TRIM24: variants seen among roughly 807,000 people sequenced by gnomAD.
TRIM24 encodes the protein transcription intermediary factor 1-alpha.
A neutral mutation model predicts 123.9 loss-of-function variants in TRIM24; 29 were observed. That is an observed-to-expected ratio of 0.23 (90% confidence interval 0.17 to 0.32). The LOEUF (loss-of-function observed/expected upper bound fraction) is 0.32. Ranked by LOEUF, TRIM24 falls within the 10% of genes least tolerant of loss-of-function variation. TRIM24 has a pLI of 1.00. For synonymous variants in TRIM24, 456 were observed against 461.1 expected, an observed-to-expected ratio of 0.99 and a Z score of 0.14; for missense variants, 932 against 1,295.3, an observed-to-expected ratio of 0.72 and a Z score of 4.31.
chr7:138,541,922 C>T (rs1015311095), intron 7 of TRIM24, among the ~76,000 whole-genome samples: 1 of 152,226 alleles, frequency 6.6e-6, no homozygotes, highest in African/African-American at 2.4e-5. Flanking sequence ...CCATAAATCT[C>T]ATGGACCAAC....
rs760057002 is a variant in TRIM24 at position 138,580,667 on chromosome 7, TGTTAA to T, written c.2697_2701del (p.Lys899AsnfsTer5). ...CAGAAAAAAAGAAAACTGAAGGCCT[TGTTAA>T]GTTAACACCTATAGATAAAAGGGTA... On this transcript the variant is annotated frameshift_variant, in exon 16 of 19. Transcript: ENST00000343526. LOFTEE classifies it high-confidence loss of function. 14 of 1,613,784 alleles carry T rather than the reference TGTTAA, an allele frequency of 8.7e-6. No individual in the cohort carries two copies. The highest frequency in any genetic ancestry group is 1.7e-5 in the Admixed American group (1 of 59,988).
In TRIM24 at chr7:138,573,489, A is replaced by C; in HGVS notation, c.1879-18A>C. ...TTGCAAAATCAGAATGCCCTGAAAT[A>C]ATTTCTTTTCTTGTAAGATTGACTG... is the stretch of plus-strand genomic sequence containing the variant. On this transcript the variant is annotated intron_variant, in intron 11 of 18. Transcript: ENST00000343526. 6.5e-7 allele frequency: 1 copy of C among 1,533,566 alleles called. No individual in the cohort carries two copies. The highest frequency in any genetic ancestry group is 1.4e-5 in the African/African-American group (1 of 72,186). The allele number at this position is 1,533,566 out of a possible 1,614,324, so 95.0% of individuals were successfully genotyped here.
chr7:138,518,914 A>G (rs1352512478), intron 3 of TRIM24, among the ~76,000 whole-genome samples: 4 of 152,222 alleles, frequency 2.6e-5, no homozygotes, highest in Admixed American at 2.6e-4. Context: ...ATGCAATAAA[A>G]CATATTTTTA....
intron 2 of TRIM24, among the ~76,000 whole-genome samples, chr7:138,506,651 T>A (rs1300010982): frequency 6.6e-6 from 1 of 152,212 alleles, no homozygotes; most frequent in Non-Finnish European, 1.5e-5. Flanking sequence ...GTATGATCAA[T>A]TAGTTTTCAG....
At chr7:138,559,413 C>A (rs1216958047) in intron 9 of TRIM24, among the ~76,000 whole-genome samples, 1 of 152,034 alleles carries the variant, frequency 6.6e-6, no homozygotes, top group Non-Finnish European at 1.5e-5. Flanking sequence ...GAGGTCTTTG[C>A]CCCCAGGAGG....
At chr7:138,539,009 T>C (rs1250901707) in intron 7 of TRIM24, among the ~76,000 whole-genome samples, 2 of 152,224 alleles carry the variant, frequency 1.3e-5, no homozygotes, top group Admixed American at 1.3e-4. Context: ...CCTTTTTTTG[T>C]TCTTTCCAAG....
chr7:138,503,955 TC>T (rs1189178136), intron 1 of TRIM24, among the ~76,000 whole-genome samples: 2 of 152,202 alleles, frequency 1.3e-5, no homozygotes, highest in Admixed American at 1.3e-4. Flanking sequence ...AGCTCCTTGT[TC>T]TTTTGAAAAT....
chr7:138,571,053 G>T, intron 11 of TRIM24, 50 bp downstream of exon 11: 2 of 1,581,904 alleles, frequency 1.3e-6, no homozygotes, highest in Non-Finnish European at 1.7e-6. Flanking sequence ...CTGTTGGCCG[G>T]GTGCAGTGGC....
At position 138,579,261 on chromosome 7, in the gene TRIM24, A is replaced by T. The variant is rs747352735; in HGVS notation, c.2314A>T (p.Thr772Ser). ...GCTCTTAAATAGCAGTCAGAGCTCT[A>T]CTTCTGAGGAGACTGTGCTAAGATC... ...SLLLNSSQSS[T>S]SEETVLRSDA... The change falls in exon 15 of 19, where the codon ACT (threonine) becomes TCT (serine). Residue 772 changes from threonine to serine, a missense_variant. Coordinates refer to ENST00000343526, the MANE Select transcript of TRIM24 (RefSeq NM_015905.3). The T allele has an allele frequency of 6.2e-7, 1 of 1,613,622 alleles. No homozygotes were observed. The highest frequency in any genetic ancestry group is 1.3e-5 in the African/African-American group (1 of 74,924).
intron 6 of TRIM24, among the ~76,000 whole-genome samples, chr7:138,532,988 G>A (rs567843926): frequency 1.3e-5 from 2 of 152,268 alleles, no homozygotes; most frequent in East Asian, 3.9e-4. Context: ...GTGAATGGGA[G>A]TTCACTCATG....
chr7:138,523,820 C>A (rs1262293986), intron 4 of TRIM24, among the ~76,000 whole-genome samples: 2 of 147,838 alleles, frequency 1.4e-5, no homozygotes, highest in African/African-American at 2.5e-5. Flanking sequence ...AAAATGAATT[C>A]TTTCCAACTT....
intron 2 of TRIM24, among the ~76,000 whole-genome samples, chr7:138,510,400 T>C (rs1796261501): frequency 6.6e-6 from 1 of 152,058 alleles, no homozygotes; most frequent in Non-Finnish European, 1.5e-5. Context: ...TGTGTGTGTG[T>C]GGTTTTTTTT....
At chr7:138,578,312 C>G (rs900733673) in intron 14 of TRIM24, among the ~76,000 whole-genome samples, 1 of 151,950 alleles carries the variant, frequency 6.6e-6, no homozygotes, top group African/African-American at 2.4e-5. Context: ...CACCTGAGTA[C>G]GAATGTAACT....
intron 2 of TRIM24, among the ~76,000 whole-genome samples, chr7:138,508,696 C>CGCGCGCGCGCGCGCGCGTGGGT (rs1563038802): frequency 3.0e-5 from 1 of 33,434 alleles, no homozygotes. Context: ...TGTGTGTGCG[C>CGCGCGCGCGCGCGCGCGTGGGT]GCGCGTGTGT....
intron 4 of TRIM24, among the ~76,000 whole-genome samples, chr7:138,523,742 C>G (rs1206626168): frequency 7.3e-6 from 1 of 137,030 alleles, no homozygotes; most frequent in Non-Finnish European, 1.6e-5. Context: ...CAGAGCGAGA[C>G]TCCGTCTCAA....
chr7:138,490,348 T>C (rs1795753426), intron 1 of TRIM24, among the ~76,000 whole-genome samples: 1 of 152,228 alleles, frequency 6.6e-6, no homozygotes. Flanking sequence ...TGATGCCTAC[T>C]TCTGTCAACT....
intron 15 of TRIM24, among the ~76,000 whole-genome samples, chr7:138,579,979 A>G (rs1406490829): frequency 6.6e-6 from 1 of 152,206 alleles, no homozygotes; most frequent in Non-Finnish European, 1.5e-5. Context: ...ACAAGGGATC[A>G]TCATAAGGAA....
chr7:138,485,983 A>G (rs1297170757), intron 1 of TRIM24, among the ~76,000 whole-genome samples: 1 of 152,196 alleles, frequency 6.6e-6, no homozygotes, highest in Non-Finnish European at 1.5e-5. Context: ...CTATTTCTCC[A>G]CATCCTCTCC....
intron 6 of TRIM24, among the ~76,000 whole-genome samples, chr7:138,534,179 A>T (rs543970401): frequency 6.6e-6 from 1 of 151,908 alleles, no homozygotes; most frequent in African/African-American, 2.4e-5. Context: ...GGATTCATCA[A>T]TTTTTTTGAA....
Sources: gnomAD v4.1 joint callset for allele counts (sites outside exome capture counted in the v4.1 genomes callset) on GRCh38, gnomAD v4.1.1 for gene constraint, MANE v1.5 for transcripts, NCBI Gene and HGNC (gene_info 2026-07-23, HGNC 2026-07-21) for gene names.